The following USP39 variants were observed in gnomAD, a reference collection of about 807,000 sequenced individuals.
USP39 encodes the protein ubiquitin carboxyl-terminal hydrolase 39.
A neutral mutation model predicts 66.4 loss-of-function variants in USP39; 38 were observed. The ratio of observed to expected loss-of-function variants is 0.57; its 90% confidence interval spans 0.44 to 0.75. USP39 has a LOEUF of 0.75. USP39 is among the 30% of genes least tolerant of loss of function. The probability of loss-of-function intolerance (pLI) is 0.00; values close to 1 mark genes in which losing one functional copy is unlikely to be tolerated. For synonymous variants in USP39, 303 were observed against 274.6 expected, an observed-to-expected ratio of 1.10 and a Z score of -1.02; for missense variants, 608 against 714.4, an observed-to-expected ratio of 0.85 and a Z score of 1.70.
chr2:85,632,826 C>T (rs780087668), intron 6 of USP39, among the ~76,000 whole-genome samples: 38 of 152,148 alleles, frequency 2.5e-4, no homozygotes, highest in Non-Finnish European at 4.7e-4. Flanking sequence ...TAAGGACCCC[C>T]TCAGCTGAAC....
intron 2 of USP39, chr2:85,621,059 A>G (rs1674419047): frequency 6.5e-6 from 1 of 153,622 alleles, no homozygotes; most frequent in African/African-American, 2.4e-5. Context: ...GCAGTGGTGG[A>G]TCAGAGCTCA....
chr2:85,607,313 C>A (rs912629620), upstream of USP39: 1 of 152,186 alleles, frequency 6.6e-6, no homozygotes, highest in Non-Finnish European at 1.5e-5. Context: ...TTTGGGAGAG[C>A]CTTCTTGACC....
intron 10 of USP39, among the ~76,000 whole-genome samples, chr2:85,643,524 C>T (rs1676412073): frequency 1.3e-5 from 2 of 151,852 alleles, no homozygotes. Context: ...CACTGATACT[C>T]ATTCAGACAA....
At chr2:85,609,382 A>G, upstream of USP39, 1 of 1,594,180 alleles carries the variant, frequency 6.3e-7, no homozygotes, top group South Asian at 1.1e-5. Context: ...TCTGACAATG[A>G]TTACTACCAT....
Position 85,616,349 on chromosome 2 carries a change from C to T in USP39, c.154C>T (p.Arg52Trp). Residue 52 changes from arginine (R) to tryptophan (W), a missense_variant, in exon 1 of 13, where the codon CGG (arginine) becomes TGG (tryptophan). This residue lies in a region of USP39 where 207 missense variants were observed against 145.7 expected (regional missense o/e 1.42). Transcript: ENST00000323701. The stretch of plus-strand genomic sequence containing the variant: ...CCGGGGCAGCCCTGTGCGCGTGAAG[C>T]GGGAGTTCGAGCCGGCGAGCGCGCG... ...SSRGSPVRVK[R>W]EFEPASAREA... 2 of 1,601,612 alleles carry T rather than the reference C, an allele frequency of 1.2e-6. No homozygotes were observed. The highest frequency in any genetic ancestry group is 1.7e-6 in the Non-Finnish European group (2 of 1,174,452).
intron 11 of USP39, 108 bp from the exon 12 acceptor site, chr2:85,647,822 G>A: frequency 2.2e-6 from 2 of 890,242 alleles, no homozygotes; most frequent in Non-Finnish European, 1.8e-6. Context: ...GCTGGATGAT[G>A]TCTAGTGGCT....
upstream of USP39, chr2:85,611,780 G>C: frequency 6.2e-7 from 1 of 1,612,000 alleles, no homozygotes; most frequent in South Asian, 1.1e-5. Flanking sequence ...TCTTGTCATA[G>C]TCGTCCCTGC....
At chr2:85,634,282 CTT>C (rs1267371553) in intron 6 of USP39, among the ~76,000 whole-genome samples, 3 of 152,000 alleles carry the variant, frequency 2.0e-5, no homozygotes, top group African/African-American at 7.2e-5. Context: ...CCAATGAAAT[CTT>C]AATCTGGGGC....
chr2:85,633,576 C>T (rs1000569836), intron 6 of USP39, among the ~76,000 whole-genome samples: 6 of 152,218 alleles, frequency 3.9e-5, no homozygotes, highest in African/African-American at 1.4e-4. Context: ...TAGAGACCAT[C>T]CTGCGTGACA....
upstream of USP39, among the ~76,000 whole-genome samples, chr2:85,609,756 A>C (rs1228774234): frequency 6.6e-6 from 1 of 152,182 alleles, no homozygotes; most frequent in Admixed American, 6.5e-5. Context: ...ATCTCGGCTC[A>C]CTGCAACTTC....
chr2:85,609,027 T>G (rs1326567939), upstream of USP39: 1 of 1,614,264 alleles, frequency 6.2e-7, no homozygotes, highest in Non-Finnish European at 8.5e-7. Context: ...CAGAGGCGTG[T>G]GTGCCGACAC....
At chr2:85,644,628 G>T (rs1422419952) in intron 10 of USP39, among the ~76,000 whole-genome samples, 2 of 151,620 alleles carry the variant, frequency 1.3e-5, no homozygotes, top group Non-Finnish European at 2.9e-5. Context: ...TCACTACATT[G>T]CCCAGGCTGG....
At chr2:85,605,513 G>A (rs995804110) in intron 1 of USP39, among the ~76,000 whole-genome samples, 2 of 152,140 alleles carry the variant, frequency 1.3e-5, no homozygotes, top group Non-Finnish European at 2.9e-5. Context: ...ATTTCGGGTG[G>A]GTGCCTATGG....
chr2:85,637,372 T>C lies in USP39; in HGVS notation c.1031T>C (p.Ile344Thr). ...LGGTKKKKKT[I>T]VTDVFQGSMR... is the part of the protein sequence containing the mutation. The stretch of plus-strand genomic sequence containing the variant: ...CTCTTGCTTCCTGTTTGTGCAGCTA[T>C]TGTGACTGATGTTTTCCAGGGGTCC... Residue 344 changes from isoleucine (I) to threonine (T), a missense_variant, in exon 8 of 13, where the codon ATT (isoleucine) becomes ACT (threonine). By Grantham distance (89) the Ile-to-Thr change is moderately conservative. Around this residue, in one of 6 missense-constraint regions of USP39, gnomAD observed 72 missense variants for 60.1 expected, o/e 1.20. Transcript: ENST00000323701. 1 of 1,614,224 alleles carries C rather than the reference T, an allele frequency of 6.2e-7. No homozygotes were observed. Among genetic ancestry groups the C allele is most frequent in the Non-Finnish European group, 8.5e-7 (1 of 1,180,034 alleles).
At chr2:85,608,988 A>G, upstream of USP39, 1 of 1,614,188 alleles carries the variant, frequency 6.2e-7, no homozygotes, top group Non-Finnish European at 8.5e-7. Flanking sequence ...CTGGATACGC[A>G]ACTTGAGGGC....
chr2:85,608,701 C>CA (rs5832651), upstream of USP39: 834 of 55,460 alleles, frequency 0.015, 31 homozygotes, highest in Non-Finnish European at 0.02. Flanking sequence ...ACAAAATCCT[C>CA]AAAAAAAAAA....
chr2:85,611,940 A>C (rs1673573204), upstream of USP39: 2 of 1,583,796 alleles, frequency 1.3e-6, no homozygotes, highest in African/African-American at 1.4e-5. Flanking sequence ...GCCGCCCCCC[A>C]GGCTTGCAGC....
upstream of USP39, chr2:85,612,327 T>C: frequency 6.5e-7 from 1 of 1,536,156 alleles, no homozygotes; most frequent in Non-Finnish European, 8.7e-7. Flanking sequence ...CACAACTCGA[T>C]GCTTACGGCG....
At chr2:85,631,105 C>T (rs1675292794) in intron 6 of USP39, among the ~76,000 whole-genome samples, 159 bp downstream of exon 6, 1 of 152,016 alleles carries the variant, frequency 6.6e-6, no homozygotes, top group African/African-American at 2.4e-5. Flanking sequence ...ACCTCCACTT[C>T]CAGGGTTCAA....
Sources: gnomAD v4.1 joint callset for allele counts (sites outside exome capture counted in the v4.1 genomes callset) on GRCh38, gnomAD v4.1.1 for gene constraint, gnomAD v4.1.1 regional missense constraint, MANE v1.5 for transcripts, NCBI Gene and HGNC (gene_info 2026-07-23, HGNC 2026-07-21) for gene names.